ZNF804A: variants seen among roughly 807,000 people sequenced by gnomAD.
ZNF804A encodes the protein zinc finger protein 804A.
Under a neutral mutation model 16.5 loss-of-function variants are expected in ZNF804A, and 2 were observed. The ratio of observed to expected loss-of-function variants is 0.12; its 90% confidence interval spans 0.05 to 0.38. The LOEUF is 0.38. ZNF804A is among the 10% of genes least tolerant of loss of function. The probability of loss-of-function intolerance (pLI) is 0.99; values close to 1 mark genes in which losing one functional copy is unlikely to be tolerated. For missense variants in ZNF804A, 1,473 were observed against 1,390.7 expected (o/e 1.06, Z -0.94); for synonymous variants, 534 against 489.6 (o/e 1.09, Z -1.20).
At chr2:184,668,863 A>T (rs1692295797) in intron 1 of ZNF804A, among the ~76,000 whole-genome samples, 1 of 151,988 alleles carries the variant, frequency 6.6e-6, no homozygotes, top group African/African-American at 2.4e-5. Flanking sequence ...TGTAAATAGT[A>T]TTGCCCGAGA....
At chr2:184,873,891 AGCAACTCAGGAAAATAATCTTGTAAAT>A (rs1305165170) in intron 2 of ZNF804A, among the ~76,000 whole-genome samples, 1 of 152,158 alleles carries the variant, frequency 6.6e-6, no homozygotes, top group Non-Finnish European at 1.5e-5. Flanking sequence ...TGATTGATTT[AGCAACTCAGGAAAATAATCTTGTAAAT>A]TTATATATTA....
intron 1 of ZNF804A, among the ~76,000 whole-genome samples, chr2:184,745,565 C>T (rs1440130461): frequency 6.6e-6 from 1 of 151,398 alleles, no homozygotes; most frequent in Admixed American, 6.6e-5. Context: ...AGAACAAAAG[C>T]CTAAAGTCCT....
At chr2:184,771,436 A>G (rs1694211863) in intron 1 of ZNF804A, among the ~76,000 whole-genome samples, 1 of 151,836 alleles carries the variant, frequency 6.6e-6, no homozygotes, top group Non-Finnish European at 1.5e-5. Context: ...TGCAGTTAAG[A>G]TGTCTATTGC....
chr2:184,647,154 C>T (rs1298454365), intron 1 of ZNF804A, among the ~76,000 whole-genome samples: 1 of 152,122 alleles, frequency 6.6e-6, no homozygotes, highest in African/African-American at 2.4e-5. Flanking sequence ...ACCCAGTATT[C>T]ACTATAGTTG....
At chr2:184,721,836 C>T (rs1693321143) in intron 1 of ZNF804A, among the ~76,000 whole-genome samples, 1 of 151,912 alleles carries the variant, frequency 6.6e-6, no homozygotes, top group African/African-American at 2.4e-5. Context: ...ACAGGATCAG[C>T]CTAATGTCTA....
intron 2 of ZNF804A, among the ~76,000 whole-genome samples, chr2:184,895,416 T>G (rs1336608975): frequency 6.6e-6 from 1 of 152,196 alleles, no homozygotes; most frequent in African/African-American, 2.4e-5. Context: ...AGTCAGCTCA[T>G]GCTCTCTGAT....
chr2:184,817,501 T>C (rs1695002057), intron 1 of ZNF804A, among the ~76,000 whole-genome samples: 1 of 151,938 alleles, frequency 6.6e-6, no homozygotes, highest in Non-Finnish European at 1.5e-5. Context: ...GTACCTCTCC[T>C]CCAAATGACC....
intron 1 of ZNF804A, among the ~76,000 whole-genome samples, chr2:184,695,465 T>TAAAAAAAAAAAAA (rs779929990): frequency 1.7e-4 from 9 of 51,824 alleles, no homozygotes; most frequent in African/African-American, 8.5e-4. Context: ...ACTCCGTCAT[T>TAAAAAAAAAAAAA]AAAAAAAAAA....
intron 1 of ZNF804A, among the ~76,000 whole-genome samples, chr2:184,639,134 C>T (rs180983181): frequency 1.6e-4 from 22 of 140,106 alleles, no homozygotes; most frequent in Admixed American, 4.6e-4. Context: ...AGGGCAACGG[C>T]GTGCTCTCGG....
chr2:184,674,261 T>C (rs1284758732), intron 1 of ZNF804A, among the ~76,000 whole-genome samples: 1 of 152,054 alleles, frequency 6.6e-6, no homozygotes, highest in Non-Finnish European at 1.5e-5. Flanking sequence ...CCCTCTTTTC[T>C]TTTAATTGGT....
In ZNF804A at chr2:184,938,186, C is replaced by T; in HGVS notation, c.2790C>T (p.Asp930=). 1.2e-6 allele frequency: 2 copies of T among 1,614,108 alleles called. No individual in the cohort carries two copies. Among genetic ancestry groups the T allele is most frequent in the Non-Finnish European group, 1.7e-6 (2 of 1,180,018 alleles). The change falls in exon 4 of 4, where the codon GAC becomes GAT. Residue 930 remains aspartate, a synonymous_variant. Coordinates refer to ENST00000302277, the MANE Select transcript of ZNF804A (RefSeq NM_194250.2). ...VASAPTKEAI[D]NTLLEHKERS... ...GTGCCCCAACAAAAGAAGCAATTGA[C>T]AATACCCTGCTTGAACACAAAGAAA...
intron 1 of ZNF804A, among the ~76,000 whole-genome samples, chr2:184,710,363 G>A (rs1574174169): frequency 6.6e-6 from 1 of 151,580 alleles, no homozygotes; most frequent in Non-Finnish European, 1.5e-5. Context: ...TTCATTCACT[G>A]TTGAATTGTT....
At position 184,907,296 on chromosome 2, in the gene ZNF804A, C is replaced by T. The variant is rs1055220607; in HGVS notation, c.256-26307C>T. On this transcript the variant is annotated intron_variant, in intron 2 of 3. Coordinates refer to ENST00000302277, the MANE Select transcript of ZNF804A (RefSeq NM_194250.2). Reference sequence around the variant, plus strand: ...TTGTTATGTTAAACTCTAAAAATTACTTCTACATTCTCATGTCATTGTTTC... The same window carrying T: ...TTGTTATGTTAAACTCTAAAAATTATTTCTACATTCTCATGTCATTGTTTC... Among the ~76,000 whole-genome samples the T allele has an allele frequency of 3.3e-5, 5 of 152,156 alleles. No individual in the cohort carries two copies. The East Asian group carries it at 7.7e-4, about 23-fold the overall frequency.
At chr2:184,899,711 CTTA>C (rs1344701924) in intron 2 of ZNF804A, among the ~76,000 whole-genome samples, 6 of 151,642 alleles carry the variant, frequency 4.0e-5, no homozygotes, top group South Asian at 2.1e-4. Flanking sequence ...CATCTTTATA[CTTA>C]TTATTTTTTA....
At chr2:184,878,846 T>G (rs369108048) in intron 2 of ZNF804A, among the ~76,000 whole-genome samples, 3 of 152,044 alleles carry the variant, frequency 2.0e-5, no homozygotes, top group East Asian at 3.9e-4. Flanking sequence ...TTCTTTAAGC[T>G]ATGACAATCA....
chr2:184,805,057 A>G lies in ZNF804A; in HGVS notation c.112-61312A>G, dbSNP rs560758596. Among the ~76,000 whole-genome samples, 3 of 152,280 alleles carry G rather than the reference A, an allele frequency of 2.0e-5. No individual in the cohort carries two copies. In the South Asian group the frequency reaches 6.2e-4, roughly 32 times the overall value. On this transcript the variant is annotated intron_variant, in intron 1 of 3. Coordinates refer to ENST00000302277, the MANE Select transcript of ZNF804A (RefSeq NM_194250.2). Reference sequence around the variant, plus strand: ...TAAGGTTGATGCTTCTGGTCCAGGGACCACACTGAGAGGACATTTTCCTTA... The same window carrying G: ...TAAGGTTGATGCTTCTGGTCCAGGGGCCACACTGAGAGGACATTTTCCTTA...
At chr2:184,909,579 G>A (rs920502123) in intron 2 of ZNF804A, among the ~76,000 whole-genome samples, 4 of 151,772 alleles carry the variant, frequency 2.6e-5, no homozygotes, top group African/African-American at 9.7e-5. Flanking sequence ...AAATGTTCAT[G>A]GTATTTATTC....
intron 1 of ZNF804A, among the ~76,000 whole-genome samples, chr2:184,737,039 T>A (rs903847962): frequency 6.6e-5 from 10 of 151,590 alleles, no homozygotes; most frequent in African/African-American, 2.4e-4. Flanking sequence ...AAATTCCCTT[T>A]ACTACTTTTT....
chr2:184,814,764 T>C (rs1694954377), intron 1 of ZNF804A, among the ~76,000 whole-genome samples: 1 of 152,038 alleles, frequency 6.6e-6, no homozygotes, highest in Non-Finnish European at 1.5e-5. Flanking sequence ...GGGACTTAAT[T>C]TGACATATGT....
Sources: allele counts gnomAD v4.1 joint callset (sites outside exome capture counted in the v4.1 genomes callset), GRCh38; gene constraint gnomAD v4.1.1; transcripts MANE v1.5; gene names NCBI Gene and HGNC (gene_info 2026-07-23, HGNC 2026-07-21).